Variants in PGAM5 observed in about 807,000 individuals in gnomAD.
PGAM5 encodes the protein PGAM family member 5, mitochondrial serine/threonine protein phosphatase.
A neutral mutation model predicts 30.6 loss-of-function variants in PGAM5; 25 were observed. That is an observed-to-expected ratio of 0.82 (90% CI 0.60 to 1.14). PGAM5 has a LOEUF of 1.14. PGAM5 is among the 50% of genes most tolerant of loss of function. The pLI, the probability that PGAM5 is intolerant of heterozygous loss-of-function variation, is 0.00. For synonymous variants in PGAM5, 201 were observed against 179.1 expected, an observed-to-expected ratio of 1.12 and a Z score of -0.98; for missense variants, 384 against 408.5, an observed-to-expected ratio of 0.94 and a Z score of 0.52.
At chr12:132,715,112 A>T in intron 2 of PGAM5, 76 bp downstream of exon 2, 1 of 1,434,144 alleles carries the variant, frequency 7.0e-7, no homozygotes, top group Non-Finnish European at 9.4e-7. Flanking sequence ...CGCCTTGGTT[A>T]TGTGACTGGG....
chr12:132,720,283 G>A (rs1320330379), intron 5 of PGAM5, among the ~76,000 whole-genome samples: 2 of 149,782 alleles, frequency 1.3e-5, no homozygotes, highest in Non-Finnish European at 3.0e-5. Flanking sequence ...CCTCTTTTAA[G>A]GACAGAGTCC....
Position 132,718,142 on chromosome 12 carries a change from C to T in PGAM5, c.719+22C>T, listed in dbSNP as rs11147014. On this transcript the variant is annotated intron_variant, in intron 5 of 5. Coordinates refer to ENST00000498926, the MANE Select transcript of PGAM5 (RefSeq NM_001170543.2). ...GCAGGTAGGCAGCTGCTGGGCTGGG[C>T]GTGGTCTAAAATAATTTCAGACTTA... The T allele has an allele frequency of 0.062, 100,693 of 1,611,606 alleles. 10,896 individuals are homozygous for T. The highest frequency in any genetic ancestry group is 0.54 in the East Asian group (23,982 of 44,716).
At chr12:132,719,013 C>T in intron 5 of PGAM5, 1 of 1,434,176 alleles carries the variant, frequency 7.0e-7, no homozygotes, top group Non-Finnish European at 9.1e-7. Flanking sequence ...TGCGTTTTCC[C>T]TGCCACCACC....
intron 5 of PGAM5, chr12:132,718,770 C>T (rs779875057): frequency 1.1e-5 from 17 of 1,613,428 alleles, no homozygotes; most frequent in South Asian, 4.4e-5. Context: ...AGCATCCCGC[C>T]GCTGTTGTCC....
Position 132,720,979 on chromosome 12 carries a change from C to G in PGAM5, c.*151C>G. The G allele has an allele frequency of 2.0e-6, 2 of 994,134 alleles. No homozygotes were observed. Among genetic ancestry groups the G allele is most frequent in the East Asian group, 2.7e-5 (1 of 37,260 alleles). The allele number at this position is 994,134 out of a possible 1,614,324, so 61.6% of individuals were successfully genotyped here. On this transcript the variant is annotated 3_prime_UTR_variant, in exon 6 of 6. Coordinates refer to ENST00000498926, the MANE Select transcript of PGAM5 (RefSeq NM_001170543.2). ...AGGCTGAGAAGGGGAGAGTTGGGAT[C>G]AGACAGCCTGACTTCTCTGCAGGGT...
Position 132,721,056 on chromosome 12 carries a change from G to C in PGAM5, c.*228G>C. The C allele has an allele frequency of 4.2e-6, 2 of 479,958 alleles. No homozygotes were observed. The highest frequency in any genetic ancestry group is 7.3e-6 in the Non-Finnish European group (2 of 274,834). 29.7% of individuals were successfully genotyped at this position (479,958 alleles called of 1,614,324 possible). On this transcript the variant is annotated 3_prime_UTR_variant, in exon 6 of 6. Transcript: ENST00000498926. ...ATGGCGTGGGGTTTAAGGTGAAAGC[G>C]TCTCACGCACAAGTCAGGCCTGTTG...
chr12:132,722,244 T>TG lies in PGAM5; in HGVS notation c.*1416_*1417insG, dbSNP rs1345001254. ...TTATGCTTAGGGATTAAATGTGTGG[T>TG]TTTTTTTTTGTTTTTTTTTTTTTGG... On this transcript the variant is annotated 3_prime_UTR_variant, in exon 6 of 6. Coordinates refer to ENST00000498926, the MANE Select transcript of PGAM5 (RefSeq NM_001170543.2). 3 of 34,860 alleles carry TG rather than the reference T, an allele frequency of 8.6e-5. No individual in the cohort carries two copies. The highest frequency in any genetic ancestry group is 1.8e-4 in the Non-Finnish European group (3 of 16,254). 2.2% of individuals were successfully genotyped at this position (34,860 alleles called of 1,614,324 possible).
chr12:132,717,857 C>T (rs1004611121), intron 4 of PGAM5, 59 bp downstream of exon 4: 4 of 1,587,338 alleles, frequency 2.5e-6, no homozygotes, highest in Middle Eastern at 1.7e-4. Flanking sequence ...CAAAGCGGCC[C>T]TGCTGGGCTC....
Position 132,710,849 on chromosome 12 carries a change from TG to T in PGAM5, c.-27del. The T allele has an allele frequency of 9.0e-7, 1 of 1,106,692 alleles. No individual in the cohort carries two copies. The highest frequency in any genetic ancestry group is 1.1e-6 in the Non-Finnish European group (1 of 908,786). 68.6% of individuals were successfully genotyped at this position (1,106,692 alleles called of 1,614,324 possible). On this transcript the variant is annotated 5_prime_UTR_variant, in exon 1 of 6. Coordinates refer to ENST00000498926, the MANE Select transcript of PGAM5 (RefSeq NM_001170543.2). ...GAGCGCCGTCGGGGCCGTGGGCGCC[TG>T]CGCGGGCCGGCGCGGGAGCAAGCGG...
intron 5 of PGAM5, among the ~76,000 whole-genome samples, chr12:132,719,625 G>A (rs2043623143): frequency 6.6e-6 from 1 of 152,222 alleles, no homozygotes; most frequent in South Asian, 2.1e-4. Flanking sequence ...TGCTAAAAAT[G>A]CACAGAAATA....
chr12:132,711,198 A>C, intron 1 of PGAM5, 131 bp downstream of exon 1: 1 of 707,980 alleles, frequency 1.4e-6, no homozygotes, highest in Non-Finnish European at 1.9e-6. Flanking sequence ...TGCTTTCCCC[A>C]GCGGAGGAGC....
At chr12:132,713,864 C>G (rs1194007293) in intron 1 of PGAM5, among the ~76,000 whole-genome samples, 1 of 151,746 alleles carries the variant, frequency 6.6e-6, no homozygotes, top group Non-Finnish European at 1.5e-5. Flanking sequence ...AGACGGGGTC[C>G]CCCTGTGTTG....
intron 5 of PGAM5, among the ~76,000 whole-genome samples, chr12:132,719,958 T>C (rs923830948): frequency 6.6e-6 from 1 of 152,278 alleles, no homozygotes; most frequent in Non-Finnish European, 1.5e-5. Context: ...GGCTGCTCCC[T>C]GCTTTTATAT....
chr12:132,717,418 C>G, intron 2 of PGAM5, 21 bp from the exon 3 acceptor site: 1 of 1,575,334 alleles, frequency 6.3e-7, no homozygotes, highest in Non-Finnish European at 8.5e-7. Context: ...GTGCGGCACT[C>G]AGGTGCCTTT....
In PGAM5 at chr12:132,721,885, G is replaced by A. The variant is rs1303433158; in HGVS notation, c.*1057G>A. ...CCCAAAGTGCTGGGATTAAAGGTGT[G>A]AGCCATCGTGCCTGGCCTAAAAAAT... On this transcript the variant is annotated 3_prime_UTR_variant, in exon 6 of 6. Transcript: ENST00000498926. The A allele has an allele frequency of 6.6e-6, 1 of 152,186 alleles. No homozygotes were observed. Among genetic ancestry groups the A allele is most frequent in the Non-Finnish European group, 1.5e-5 (1 of 68,046 alleles). The allele number at this position is 152,186 out of a possible 1,614,324, so 9.4% of individuals were successfully genotyped here.
intron 4 of PGAM5, 43 bp from the exon 5 acceptor site, chr12:132,717,944 G>A (rs1046183422): frequency 1.2e-6 from 2 of 1,610,200 alleles, no homozygotes; most frequent in African/African-American, 1.3e-5. Context: ...CACCCGCCCT[G>A]CCCGAGCACT....
At chr12:132,717,607 G>A (rs373250260) in intron 3 of PGAM5, 43 bp downstream of exon 3, 9 of 1,604,408 alleles carry the variant, frequency 5.6e-6, no homozygotes, top group African/African-American at 1.3e-5. Context: ...AGCAGTGGGC[G>A]GCTCGTGGCA....
At position 132,717,721 on chromosome 12, in the gene PGAM5, G is replaced by T; in HGVS notation, c.508G>T (p.Val170Phe). 6.3e-7 allele frequency: 1 copy of T among 1,576,354 alleles called. No homozygotes were observed. Among genetic ancestry groups the T allele is most frequent in the Non-Finnish European group, 8.6e-7 (1 of 1,161,116 alleles). ...ISRHLPGVCKVSTDLLREGAP... is the reference protein window; with the variant it reads ...ISRHLPGVCKFSTDLLREGAP... Reference sequence around the variant, plus strand: ...GTGCTTCTCTGCAGGCGTCTGCAAAGTCAGCACAGATCTGCTGCGGGAAGG... The same window carrying T: ...GTGCTTCTCTGCAGGCGTCTGCAAATTCAGCACAGATCTGCTGCGGGAAGG... The change falls in exon 4 of 6, where the codon GTC (valine) becomes TTC (phenylalanine). Residue 170 changes from valine (V) to phenylalanine (F), a missense_variant. Transcript: ENST00000498926.
chr12:132,717,451 C>G lies in PGAM5; in HGVS notation c.383C>G (p.Ala128Gly). Reference sequence around the variant, plus strand: ...TTTCACCTTCCAGGTCGGGAGCAGGCTGAACTCACTGGGCTCCGCCTGGCA... The same window carrying G: ...TTTCACCTTCCAGGTCGGGAGCAGGGTGAACTCACTGGGCTCCGCCTGGCA... ...RTLTPLGREQ[A>G]ELTGLRLASL... is the part of the protein sequence containing the mutation. The change falls in exon 3 of 6, where the codon GCT becomes GGT. Residue 128 changes from alanine (A) to glycine (G), a missense_variant. By Grantham distance (60) the Ala-to-Gly change is moderately conservative. Transcript: ENST00000498926. The G allele has an allele frequency of 4.4e-6, 7 of 1,607,672 alleles. No homozygotes were observed. The highest frequency in any genetic ancestry group is 5.9e-6 in the Non-Finnish European group (7 of 1,179,824).
Sources: gnomAD v4.1 joint callset for allele counts (sites outside exome capture counted in the v4.1 genomes callset) on GRCh38, gnomAD v4.1.1 for gene constraint, MANE v1.5 for transcripts, NCBI Gene and HGNC (gene_info 2026-07-23, HGNC 2026-07-21) for gene names.